EML6: variants seen among roughly 807,000 people sequenced by gnomAD.
The protein encoded by EML6 is EMAP like 6, also known as echinoderm microtubule-associated protein-like 6.
A neutral mutation model predicts 240.1 loss-of-function variants in EML6; 154 were observed. That is an observed-to-expected ratio of 0.64 (90% CI 0.56 to 0.73). The LOEUF (loss-of-function observed/expected upper bound fraction) is 0.73, where lower values mean the gene tolerates loss of function less well. Among genes scored for constraint, EML6 ranks in the 30% least tolerant of loss-of-function variants. The probability of loss-of-function intolerance (pLI) is 0.00; values close to 1 mark genes in which losing one functional copy is unlikely to be tolerated. For missense variants in EML6, 2,964 were observed against 2,474.6 expected, an observed-to-expected ratio of 1.20 and a Z score of -4.20; for synonymous variants, 1,148 against 899.0, an observed-to-expected ratio of 1.28 and a Z score of -4.95.
chr2:54,923,066 T>G (rs903626961), intron 26 of EML6, among the ~76,000 whole-genome samples: 4 of 147,530 alleles, frequency 2.7e-5, no homozygotes, highest in Admixed American at 7.0e-5. Flanking sequence ...CTCAGCCCCC[T>G]GAGTAGCTGA....
chr2:54,842,445 C>T (rs143184175), intron 7 of EML6, among the ~76,000 whole-genome samples: 69 of 152,250 alleles, frequency 4.5e-4, no homozygotes, highest in Admixed American at 1.4e-3. Flanking sequence ...TACTTGGTCA[C>T]CATAATTACA....
chr2:54,827,141 C>T (rs1668636042), intron 5 of EML6, among the ~76,000 whole-genome samples: 1 of 152,218 alleles, frequency 6.6e-6, no homozygotes, highest in African/African-American at 2.4e-5. Context: ...CCATTGCATT[C>T]CAGAAGTTAC....
chr2:54,947,109 A>G (rs1406936208), intron 28 of EML6, among the ~76,000 whole-genome samples: 1 of 152,176 alleles, frequency 6.6e-6, no homozygotes, highest in Non-Finnish European at 1.5e-5. Flanking sequence ...CTTATGAGCC[A>G]TGCCATAGTT....
chr2:54,959,086 ATGT>A lies in EML6; in HGVS notation c.4696-13_4696-11del. On this transcript the variant is annotated splice_polypyrimidine_tract_variant and intron_variant, in intron 33 of 41. Transcript: ENST00000356458. ...CTTGAGTGTGTTCCGGGTGTAGAAG[ATGT>A]TGTTTTGTTTACAGAACAATCTCAC... 1.3e-6 allele frequency: 2 copies of A among 1,545,252 alleles called. No individual in the cohort carries two copies. The highest frequency in any genetic ancestry group is 1.7e-6 in the Non-Finnish European group (2 of 1,143,772).
intron 16 of EML6, among the ~76,000 whole-genome samples, chr2:54,877,047 A>T (rs1671543965): frequency 1.3e-5 from 2 of 151,520 alleles, no homozygotes; most frequent in Admixed American, 1.3e-4. Flanking sequence ...CAGTGGCATG[A>T]TCATGGCTCA....
chr2:54,916,795 C>G lies in EML6; in HGVS notation c.3535C>G (p.Leu1179Val), dbSNP rs568580476. 9 of 1,542,848 alleles carry G rather than the reference C, an allele frequency of 5.8e-6. No individual in the cohort carries two copies. The highest frequency in any genetic ancestry group is 1.7e-4 in the Middle Eastern group (1 of 5,980). The change falls in exon 26 of 42, where the codon CTG becomes GTG. Residue 1179 changes from leucine (L) to valine (V), a missense_variant. By Grantham distance (32) the Leu-to-Val change is conservative (BLOSUM62 1). Transcript: ENST00000356458. ...AGAGTGGGACACATGGACCTGTGTC[C>G]TGGGGCCCACCTGTGAGGGAATCTG... is the stretch of plus-strand genomic sequence containing the variant. ...KIEWDTWTCV[L>V]GPTCEGIWPA...
At chr2:54,924,578 A>G (rs1397743003) in intron 26 of EML6, among the ~76,000 whole-genome samples, 1 of 152,108 alleles carries the variant, frequency 6.6e-6, no homozygotes, top group Non-Finnish European at 1.5e-5. Context: ...ATTATTTTTC[A>G]AGATGGAGTT....
chr2:54,903,250 T>G lies in EML6; in HGVS notation c.3277+54T>G, dbSNP rs1384398998. 3.9e-6 allele frequency: 6 copies of G among 1,527,358 alleles called. No homozygotes were observed. The Admixed American group carries it at 8.2e-5, about 21-fold the overall frequency. The allele number at this position is 1,527,358 out of a possible 1,614,324, so 94.6% of individuals were successfully genotyped here. A position where few individuals can be genotyped will look rare whatever the true frequency, so the allele number is the denominator to read the frequency against. ...ATAGCACAGTCTTGGGACAAAAAATTACAAGAATGAACTATTTCAAATGTT... is the reference window on the plus strand; with the variant it reads ...ATAGCACAGTCTTGGGACAAAAAATGACAAGAATGAACTATTTCAAATGTT... On this transcript the variant is annotated intron_variant, in intron 23 of 41. Transcript: ENST00000356458.
chr2:54,746,858 G>A (rs1683937187), intron 2 of EML6, among the ~76,000 whole-genome samples: 1 of 152,158 alleles, frequency 6.6e-6, no homozygotes, highest in Non-Finnish European at 1.5e-5. Flanking sequence ...AAATGTTAGA[G>A]CAGTACTGTG....
rs929714836 is a variant in EML6 at position 54,869,389 on chromosome 2, G to T, written c.2238+22G>T. ...GCAGGTATCTATCTCCTGTAAACTA[G>T]GGCCTAGCCAAAAAGAGAATTTAAT... On this transcript the variant is annotated intron_variant, in intron 15 of 41. Coordinates refer to ENST00000356458, the MANE Select transcript of EML6 (RefSeq NM_001039753.4). 5 of 1,479,220 alleles carry T rather than the reference G, an allele frequency of 3.4e-6. No individual in the cohort carries two copies. In the African/African-American group the frequency reaches 7.1e-5, roughly 21 times the overall value. 91.6% of individuals were successfully genotyped at this position (1,479,220 alleles called of 1,614,324 possible). A position where few individuals can be genotyped will look rare whatever the true frequency, so the allele number is the denominator to read the frequency against.
intron 17 of EML6, among the ~76,000 whole-genome samples, chr2:54,888,290 TC>T (rs1672265508): frequency 6.6e-6 from 1 of 152,162 alleles, no homozygotes; most frequent in Admixed American, 6.5e-5. Context: ...TGGTCCCTGT[TC>T]CTTGGGCCAA....
chr2:54,863,917 T>G lies in EML6; in HGVS notation c.1932+28T>G, dbSNP rs1243082958. The G allele has an allele frequency of 5.5e-6, 7 of 1,264,816 alleles. No homozygotes were observed. In the Admixed American group the frequency reaches 1.3e-4, roughly 23 times the overall value. 78.3% of individuals were successfully genotyped at this position (1,264,816 alleles called of 1,614,324 possible). A position where few individuals can be genotyped will look rare whatever the true frequency, so the allele number is the denominator to read the frequency against. On this transcript the variant is annotated intron_variant, in intron 13 of 41. Coordinates refer to ENST00000356458, the MANE Select transcript of EML6 (RefSeq NM_001039753.4). ...CGGTAAGCAGGGAGCAATGAAAATTTGTAACCCCAGAAGGGGATCTCATTC... is the reference window on the plus strand; with the variant it reads ...CGGTAAGCAGGGAGCAATGAAAATTGGTAACCCCAGAAGGGGATCTCATTC...
chr2:54,907,715 A>G (rs1235991225), intron 24 of EML6, among the ~76,000 whole-genome samples: 3 of 152,148 alleles, frequency 2.0e-5, no homozygotes, highest in African/African-American at 7.2e-5. Flanking sequence ...ATGTAAGGAC[A>G]TGGGTGTCTT....
At position 54,871,662 on chromosome 2, in the gene EML6, G is replaced by C. The variant is rs1044714113; in HGVS notation, c.2344+57G>C. 6 of 1,273,084 alleles carry C rather than the reference G, an allele frequency of 4.7e-6. No individual in the cohort carries two copies. The African/African-American group carries it at 5.9e-5, about 13-fold the overall frequency. The allele number at this position is 1,273,084 out of a possible 1,614,324, so 78.9% of individuals were successfully genotyped here. A position where few individuals can be genotyped will look rare whatever the true frequency, so the allele number is the denominator to read the frequency against. ...ACGTTGAGAGAGAGAGAGACACAGA[G>C]AGAGTATGCCCCGCGCATGCGCGCA... On this transcript the variant is annotated intron_variant, in intron 16 of 41. Coordinates refer to ENST00000356458, the MANE Select transcript of EML6 (RefSeq NM_001039753.4).
intron 2 of EML6, among the ~76,000 whole-genome samples, chr2:54,734,088 T>C (rs1280833204): frequency 5.3e-5 from 8 of 152,090 alleles, no homozygotes; most frequent in African/African-American, 1.9e-4. Flanking sequence ...TCTGTAACCC[T>C]AGCACTTTGG....
intron 2 of EML6, among the ~76,000 whole-genome samples, chr2:54,794,539 C>T (rs185218768): frequency 9.2e-5 from 14 of 152,238 alleles, no homozygotes; most frequent in Non-Finnish European, 1.8e-4. Flanking sequence ...TTCAGCACCC[C>T]TCTGGCTTCT....
At chr2:54,779,865 G>GAA (rs3036161) in intron 2 of EML6, among the ~76,000 whole-genome samples, 105 of 113,168 alleles carry the variant, frequency 9.3e-4, no homozygotes, top group Non-Finnish European at 1.4e-3. Flanking sequence ...CAAAAAAAAA[G>GAA]AAAAAAAAAA....
intron 31 of EML6, among the ~76,000 whole-genome samples, chr2:54,953,382 T>C (rs1676076444): frequency 6.6e-6 from 1 of 152,238 alleles, no homozygotes; most frequent in Admixed American, 6.5e-5. Context: ...CTATCATGTT[T>C]GCTGATTGTA....
At chr2:54,756,145 C>G (rs1364683968) in intron 2 of EML6, among the ~76,000 whole-genome samples, 3 of 152,064 alleles carry the variant, frequency 2.0e-5, no homozygotes, top group Non-Finnish European at 4.4e-5. Context: ...TCTGCTTACC[C>G]TCTGGGCTCT....
Sources: gnomAD v4.1 joint callset for allele counts (sites outside exome capture counted in the v4.1 genomes callset) on GRCh38, gnomAD v4.1.1 for gene constraint, MANE v1.5 for transcripts, NCBI Gene and HGNC (gene_info 2026-07-23, HGNC 2026-07-21) for gene names.